Variants in BTBD10 observed in about 807,000 individuals in gnomAD.
BTBD10 encodes BTB/POZ domain-containing protein 10.
BTBD10 carries 21 observed loss-of-function variants against 53.2 expected under a neutral mutation model. The ratio of observed to expected loss-of-function variants is 0.39; its 90% CI spans 0.28 to 0.57. The LOEUF is 0.57. Among genes scored for constraint, BTBD10 ranks in the 20% least tolerant of loss-of-function variants. The probability of loss-of-function intolerance (pLI) is 0.53; values close to 1 mark genes in which losing one functional copy is unlikely to be tolerated. For missense variants in BTBD10, 360 were observed against 594.7 expected, an observed-to-expected ratio of 0.61 and a Z score of 4.10; for synonymous variants, 149 against 192.7, an observed-to-expected ratio of 0.77 and a Z score of 1.88.
At chr11:13,408,599 C>T (rs989396850) in intron 6 of BTBD10, among the ~76,000 whole-genome samples, 2 of 152,166 alleles carry the variant, frequency 1.3e-5, no homozygotes, top group African/African-American at 4.8e-5. Flanking sequence ...TTAACGTGTT[C>T]AAAATCAAGC....
intron 1 of BTBD10, among the ~76,000 whole-genome samples, chr11:13,456,899 G>A (rs910635213): frequency 6.6e-6 from 1 of 152,116 alleles, no homozygotes; most frequent in Non-Finnish European, 1.5e-5. Context: ...AGTGACTCAC[G>A]CCTATAATCC....
At chr11:13,415,133 A>C (rs557325567) in intron 5 of BTBD10, among the ~76,000 whole-genome samples, 1 of 121,544 alleles carries the variant, frequency 8.2e-6, no homozygotes. Flanking sequence ...TTTTTTTCTG[A>C]CACAGGGTCT....
intron 2 of BTBD10, among the ~76,000 whole-genome samples, chr11:13,436,812 C>T (rs1377283755): frequency 6.6e-6 from 1 of 152,098 alleles, no homozygotes; most frequent in Non-Finnish European, 1.5e-5. Flanking sequence ...GAAAGAGTCT[C>T]ACTCTGTCAT....
intron 8 of BTBD10, among the ~76,000 whole-genome samples, chr11:13,397,881 GT>G (rs1949598437): frequency 6.6e-6 from 1 of 152,192 alleles, no homozygotes; most frequent in African/African-American, 2.4e-5. Flanking sequence ...CTGAGTTCTA[GT>G]TGGATTGCAC....
At chr11:13,426,279 G>C (rs76068533) in intron 2 of BTBD10, among the ~76,000 whole-genome samples, 2 of 150,998 alleles carry the variant, frequency 1.3e-5, no homozygotes, top group Non-Finnish European at 1.5e-5. Flanking sequence ...TTGATTTGTC[G>C]AAAAAAAATA....
intron 1 of BTBD10, among the ~76,000 whole-genome samples, chr11:13,459,252 G>T (rs554630021): frequency 6.8e-4 from 103 of 151,644 alleles, no homozygotes; most frequent in African/African-American, 2.4e-3. Flanking sequence ...TAGAGACGGG[G>T]TTTCACCGTT....
Position 13,393,058 on chromosome 11 carries a change from A to G in BTBD10, c.1118-3917T>C, listed in dbSNP as rs141264767. ...TGAAACAAACAAAATGAAAAACCCC[A>G]AAGAAGTGCCTTTTGGTGGAATTGT... is the stretch of plus-strand genomic sequence containing the variant. On this transcript the variant is annotated intron_variant, in intron 8 of 8. Transcript: ENST00000278174. 2.0e-5 allele frequency among the ~76,000 whole-genome samples: 3 copies of G among 152,328 alleles called. No individual in the cohort carries two copies. The East Asian group carries it at 5.8e-4, about 29-fold the overall frequency.
At position 13,406,989 on chromosome 11, in the gene BTBD10, A is replaced by G. The variant is rs140279937; in HGVS notation, c.809-1133T>C. Among the ~76,000 whole-genome samples the G allele has an allele frequency of 2.8e-4, 43 of 152,160 alleles. No individual in the cohort carries two copies. In the East Asian group the frequency reaches 7.9e-3, roughly 28 times the overall value. On this transcript the variant is annotated intron_variant, in intron 6 of 8. Transcript: ENST00000278174. ...ATCTGGCTTCCATTCTCACTATACTACAAAAATGTCTTGCTATGGTCTCCA... is the reference window on the plus strand; with the variant it reads ...ATCTGGCTTCCATTCTCACTATACTGCAAAAATGTCTTGCTATGGTCTCCA...
At chr11:13,458,573 A>C (rs1951022012) in intron 1 of BTBD10, among the ~76,000 whole-genome samples, 1 of 152,182 alleles carries the variant, frequency 6.6e-6, no homozygotes, top group Non-Finnish European at 1.5e-5. Flanking sequence ...TTTGATCAAA[A>C]TCAGTTAAGG....
chr11:13,422,895 C>G (rs2133974803), intron 2 of BTBD10, among the ~76,000 whole-genome samples: 1 of 152,246 alleles, frequency 6.6e-6, no homozygotes, highest in South Asian at 2.1e-4. Flanking sequence ...GAAGCTTCCT[C>G]AGGAGCTTGT....
chr11:13,403,570 G>T (rs1294759649), intron 7 of BTBD10, among the ~76,000 whole-genome samples: 2 of 152,120 alleles, frequency 1.3e-5, no homozygotes, highest in Non-Finnish European at 2.9e-5. Flanking sequence ...ATTGGAATGG[G>T]ATCTGCCCCA....
intron 4 of BTBD10, among the ~76,000 whole-genome samples, chr11:13,417,538 A>C (rs988060859): frequency 1.5e-4 from 23 of 152,306 alleles, no homozygotes; most frequent in African/African-American, 4.1e-4. Context: ...TCAGAAAACA[A>C]CACCAACCAA....
At chr11:13,440,563 C>T (rs577126043) in intron 2 of BTBD10, among the ~76,000 whole-genome samples, 3 of 152,164 alleles carry the variant, frequency 2.0e-5, no homozygotes, top group Non-Finnish European at 4.4e-5. Flanking sequence ...TAAGAATCCA[C>T]TCAAGAACTA....
intron 5 of BTBD10, 54 bp downstream of exon 5, chr11:13,417,104 G>T: frequency 7.6e-7 from 1 of 1,314,126 alleles, no homozygotes; most frequent in Non-Finnish European, 1.1e-6. Flanking sequence ...TCTAATCCAA[G>T]TACCTCCAAG....
chr11:13,456,473 C>G (rs1297334130), intron 1 of BTBD10, among the ~76,000 whole-genome samples: 1 of 152,092 alleles, frequency 6.6e-6, no homozygotes, highest in African/African-American at 2.4e-5. Context: ...TGGAATCATA[C>G]AAATACTAGA....
chr11:13,440,506 G>A (rs891862774), intron 2 of BTBD10, among the ~76,000 whole-genome samples: 1 of 152,102 alleles, frequency 6.6e-6, no homozygotes, highest in Non-Finnish European at 1.5e-5. Context: ...TCCATTCTGG[G>A]CAGTAAAGCT....
chr11:13,441,922 C>T (rs1313341253), intron 2 of BTBD10, among the ~76,000 whole-genome samples: 1 of 152,118 alleles, frequency 6.6e-6, no homozygotes, highest in East Asian at 1.9e-4. Context: ...GGTTTATAAG[C>T]AGATATCTGC....
intron 8 of BTBD10, among the ~76,000 whole-genome samples, chr11:13,392,514 T>G (rs1284183616): frequency 2.6e-5 from 4 of 152,126 alleles, no homozygotes; most frequent in African/African-American, 7.2e-5. Context: ...TAAATTCTAC[T>G]CTTTAATAAA....
intron 2 of BTBD10, chr11:13,440,097 A>G (rs1950617978): frequency 2.6e-6 from 4 of 1,517,926 alleles, no homozygotes; most frequent in Non-Finnish European, 2.6e-6. Context: ...CCCCTACCTC[A>G]CCTGTCCATA....
Sources: allele counts gnomAD v4.1 joint callset (sites outside exome capture counted in the v4.1 genomes callset), GRCh38; gene constraint gnomAD v4.1.1; transcripts MANE v1.5; gene names NCBI Gene and HGNC (gene_info 2026-07-23, HGNC 2026-07-21).